TMC1: variants seen among roughly 807,000 people sequenced by gnomAD.
TMC1 encodes the protein transmembrane channel like 1, also known as transmembrane channel-like protein 1.
A neutral mutation model predicts 105.8 loss-of-function variants in TMC1; 84 were observed. The ratio of observed to expected loss-of-function variants is 0.79; its 90% CI spans 0.67 to 0.95. The LOEUF (loss-of-function observed/expected upper bound fraction) is 0.95, where lower values mean the gene tolerates loss of function less well. Ranked by LOEUF, TMC1 falls within the 40% of genes least tolerant of loss-of-function variation. The pLI, the probability that TMC1 is intolerant of heterozygous loss-of-function variation, is 0.00. For synonymous variants in TMC1, 315 were observed against 311.5 expected (o/e 1.01, Z -0.12); for missense variants, 817 against 914.1 (o/e 0.89, Z 1.37).
chr9:72,547,345 A>AC (rs1266710221), intron 1 of TMC1, among the ~76,000 whole-genome samples: 1 of 148,278 alleles, frequency 6.7e-6, no homozygotes, highest in African/African-American at 2.6e-5. Context: ...GTTCCCCTCA[A>AC]CCCCCCTAAA....
intron 12 of TMC1, among the ~76,000 whole-genome samples, chr9:72,770,634 A>C (rs998907047): frequency 1.3e-5 from 2 of 151,976 alleles, no homozygotes; most frequent in African/African-American, 4.8e-5. Context: ...CTACAGATAT[A>C]AAAGGAGATT....
chr9:72,764,906 T>A (rs139917951), intron 12 of TMC1, among the ~76,000 whole-genome samples: 1 of 152,340 alleles, frequency 6.6e-6, no homozygotes, highest in African/African-American at 2.4e-5. Flanking sequence ...GAGGCTGATG[T>A]ACATATGTCT....
intron 8 of TMC1, among the ~76,000 whole-genome samples, chr9:72,710,609 T>G (rs992398812): frequency 3.3e-5 from 5 of 152,186 alleles, no homozygotes; most frequent in African/African-American, 1.2e-4. Flanking sequence ...CTCTTTGTAT[T>G]TTTTAACTGC....
At chr9:72,706,835 C>T (rs1397738394) in intron 8 of TMC1, among the ~76,000 whole-genome samples, 3 of 149,378 alleles carry the variant, frequency 2.0e-5, no homozygotes, top group Non-Finnish European at 3.0e-5. Context: ...AGTGCAGTGG[C>T]GTGATCTCGG....
In TMC1 at chr9:72,713,344, G is replaced by T. The variant is rs140919533; in HGVS notation, c.362+12701G>T. ...ATATTGTTTGGAATAGTTTCAGAAG[G>T]AATGATACCAGATCCTTTTAGTACT... On this transcript the variant is annotated intron_variant, in intron 8 of 23. Transcript: ENST00000297784. Among the ~76,000 whole-genome samples, 348 of 152,250 alleles carry T rather than the reference G, an allele frequency of 2.3e-3. 3 individuals carry two copies. Among genetic ancestry groups the T allele is most frequent in the African/African-American group, 8.0e-3 (332 of 41,532 alleles).
At chr9:72,711,535 T>C (rs1046879498) in intron 8 of TMC1, among the ~76,000 whole-genome samples, 2 of 152,252 alleles carry the variant, frequency 1.3e-5, no homozygotes, top group Non-Finnish European at 2.9e-5. Flanking sequence ...TGAGCCTTTT[T>C]TTCATATGTT....
At chr9:72,600,833 G>C (rs891504227) in intron 2 of TMC1, among the ~76,000 whole-genome samples, 1 of 152,172 alleles carries the variant, frequency 6.6e-6, no homozygotes, top group Non-Finnish European at 1.5e-5. Flanking sequence ...ATGTGCGCTT[G>C]TTAAACAGAG....
chr9:72,811,961 C>T (rs1043935020), intron 18 of TMC1, among the ~76,000 whole-genome samples: 1 of 152,140 alleles, frequency 6.6e-6, no homozygotes, highest in Admixed American at 6.5e-5. Flanking sequence ...TCCTACTTTA[C>T]AGTAAACTGA....
chr9:72,795,259 G>A (rs988416578), intron 17 of TMC1, among the ~76,000 whole-genome samples: 1 of 152,142 alleles, frequency 6.6e-6, no homozygotes, highest in Admixed American at 6.5e-5. Flanking sequence ...CAAATTTGCT[G>A]CCAGTCTTTG....
At chr9:72,669,644 G>A (rs528616754) in intron 5 of TMC1, among the ~76,000 whole-genome samples, 5 of 151,502 alleles carry the variant, frequency 3.3e-5, no homozygotes, top group South Asian at 4.2e-4. Context: ...GGGATGAGCC[G>A]ATGTGAAACA....
Position 72,710,932 on chromosome 9 carries a change from T to G in TMC1, c.362+10289T>G, listed in dbSNP as rs182443354. Among the ~76,000 whole-genome samples the G allele has an allele frequency of 2.8e-3, 428 of 152,276 alleles. 1 individual carries two copies. The highest frequency in any genetic ancestry group is 0.01 in the African/African-American group (416 of 41,566). ...TATTTCTCCTAATGCTGTCCCTCCC[T>G]TAGCTCCGCATCCCCAAACAGGCCA... On this transcript the variant is annotated intron_variant, in intron 8 of 23. Coordinates refer to ENST00000297784, the MANE Select transcript of TMC1 (RefSeq NM_138691.3).
chr9:72,835,915 G>GTCTTTTTT, intron 23 of TMC1, 36 bp from the exon 24 acceptor site: 1 of 1,314,682 alleles, frequency 7.6e-7, no homozygotes, highest in Non-Finnish European at 1.0e-6. Context: ...CTCTCTCCTT[G>GTCTTTTTT]TTTTTTTTTT....
chr9:72,723,999 T>A (rs1475440487), intron 8 of TMC1, among the ~76,000 whole-genome samples: 1 of 152,186 alleles, frequency 6.6e-6, no homozygotes, highest in Non-Finnish European at 1.5e-5. Context: ...AGTTAAATCA[T>A]CTTGAGGTTC....
intron 1 of TMC1, among the ~76,000 whole-genome samples, chr9:72,543,828 G>A (rs914716116): frequency 9.2e-5 from 14 of 151,858 alleles, no homozygotes; most frequent in Non-Finnish European, 1.5e-4. Context: ...TCTCTAATTC[G>A]TGGGCTCAAG....
chr9:72,753,964 G>A (rs1827629359), intron 11 of TMC1, among the ~76,000 whole-genome samples: 1 of 152,176 alleles, frequency 6.6e-6, no homozygotes, highest in Non-Finnish European at 1.5e-5. Flanking sequence ...TGCAGCTTGT[G>A]CACAGGGAGT....
At chr9:72,680,527 T>C (rs892654150) in intron 5 of TMC1, among the ~76,000 whole-genome samples, 2 of 152,166 alleles carry the variant, frequency 1.3e-5, no homozygotes, top group Non-Finnish European at 2.9e-5. Context: ...TCTATTTTTA[T>C]AGAAAAAATG....
chr9:72,537,510 T>G (rs1301147560), intron 1 of TMC1, among the ~76,000 whole-genome samples: 2 of 152,204 alleles, frequency 1.3e-5, no homozygotes, highest in African/African-American at 4.8e-5. Context: ...CAATCATATT[T>G]ACAATTAAAA....
chr9:72,648,782 CTTTTTCATT>C (rs1252095998), intron 5 of TMC1, 118 bp downstream of exon 5: 1 of 895,968 alleles, frequency 1.1e-6, no homozygotes, highest in Non-Finnish European at 1.8e-6. Flanking sequence ...GGGGCTTTCC[CTTTTTCATT>C]TTTTTCTGTG....
At chr9:72,584,515 C>T (rs774509305) in intron 2 of TMC1, among the ~76,000 whole-genome samples, 2 of 152,010 alleles carry the variant, frequency 1.3e-5, no homozygotes, top group Non-Finnish European at 2.9e-5. Flanking sequence ...GATCTGCCCA[C>T]CTTGGCCTCC....
Sources: gnomAD v4.1 joint callset for allele counts (sites outside exome capture counted in the v4.1 genomes callset) on GRCh38, gnomAD v4.1.1 for gene constraint, MANE v1.5 for transcripts, NCBI Gene and HGNC (gene_info 2026-07-23, HGNC 2026-07-21) for gene names.